Variants in FSIP2 observed in about 807,000 individuals in gnomAD.
The protein encoded by FSIP2 is fibrous sheath-interacting protein 2.
Under a neutral mutation model 510.5 loss-of-function variants are expected in FSIP2, and 367 were observed. The ratio of observed to expected loss-of-function variants is 0.72; its 90% CI spans 0.66 to 0.78. FSIP2 has a LOEUF of 0.78. FSIP2 is among the 30% of genes least tolerant of loss of function. The pLI is 0.00. For synonymous variants in FSIP2, 2,601 were observed against 2,732.2 expected (o/e 0.95, Z 1.50); for missense variants, 7,594 against 7,901.7 (o/e 0.96, Z 1.48).
chr2:185,750,486 A>C (rs1692121479), intron 7 of FSIP2, among the ~76,000 whole-genome samples: 1 of 151,186 alleles, frequency 6.6e-6, no homozygotes, highest in African/African-American at 2.4e-5. Flanking sequence ...TGATATGGTA[A>C]TTTGTAACTT....
Position 185,818,143 on chromosome 2 carries a change from A to G in FSIP2, c.20426+2672A>G, listed in dbSNP as rs138590157. 4.8e-3 allele frequency among the ~76,000 whole-genome samples: 735 copies of G among 152,054 alleles called. 4 individuals are homozygous for G. Among genetic ancestry groups the G allele is most frequent in the African/African-American group, 0.016 (685 of 41,554 alleles). ...CAAGTATTATGTGCTCATAAAAATT[A>G]AAAATTAATTCTGGAGCTGAAAAAT... On this transcript the variant is annotated intron_variant, in intron 19 of 22. Transcript: ENST00000424728.
chr2:185,818,635 T>C (rs1693864980), intron 19 of FSIP2, among the ~76,000 whole-genome samples: 1 of 151,784 alleles, frequency 6.6e-6, no homozygotes. Context: ...ATTAGTAACC[T>C]TACAAGCCAA....
chr2:185,818,918 A>G (rs1362858321), intron 19 of FSIP2, among the ~76,000 whole-genome samples: 4 of 151,986 alleles, frequency 2.6e-5, no homozygotes, highest in Non-Finnish European at 5.9e-5. Context: ...AAATACATTA[A>G]CAAATATAAA....
intron 14 of FSIP2, among the ~76,000 whole-genome samples, chr2:185,785,563 A>AT (rs1348816647): frequency 7.4e-6 from 1 of 135,784 alleles, no homozygotes; most frequent in Admixed American, 7.8e-5. Context: ...TCAGTTTTAG[A>AT]TTTTAATATT....
In FSIP2 at chr2:185,806,811, G is replaced by C; in HGVS notation, c.17505G>C (p.Leu5835=). ...YDTAMKLINS[L]LKEFSDAQIK... ...CTGCTATGAAACTCATCAATTCACTGTTAAAGGAGTTCTCAGATGCTCAAA... is the reference window on the plus strand; with the variant it reads ...CTGCTATGAAACTCATCAATTCACTCTTAAAGGAGTTCTCAGATGCTCAAA... The change falls in exon 17 of 23, where the codon CTG becomes CTC. Residue 5835 remains leucine (L), a synonymous_variant. Coordinates refer to ENST00000424728, the MANE Select transcript of FSIP2 (RefSeq NM_173651.4). 1 of 1,611,354 alleles carries C rather than the reference G, an allele frequency of 6.2e-7. No individual in the cohort carries two copies. Among genetic ancestry groups the C allele is most frequent in the East Asian group, 2.2e-5 (1 of 44,776 alleles).
Position 185,804,330 on chromosome 2 carries a change from T to C in FSIP2, c.15024T>C (p.Asp5008=), listed in dbSNP as rs1317378710. The change falls in exon 17 of 23, where the codon GAT becomes GAC. Residue 5008 remains aspartate (D), a synonymous_variant. Coordinates refer to ENST00000424728, the MANE Select transcript of FSIP2 (RefSeq NM_173651.4). ...TSEILVADNF[D]KNLCFSERYK... is the part of the protein sequence containing the mutation. ...AGATTTTAGTTGCAGATAACTTTGA[T>C]AAAAATTTGTGTTTCTCAGAAAGAT... The C allele has an allele frequency of 1.3e-5, 20 of 1,505,902 alleles. No homozygotes were observed. The highest frequency in any genetic ancestry group is 1.7e-5 in the Non-Finnish European group (19 of 1,135,512). The allele number at this position is 1,505,902 out of a possible 1,614,324, so 93.3% of individuals were successfully genotyped here. A position where few individuals can be genotyped will look rare whatever the true frequency, so the allele number is the denominator to read the frequency against.
At position 185,806,291 on chromosome 2, in the gene FSIP2, C is replaced by T; in HGVS notation, c.16985C>T (p.Thr5662Ile). Residue 5662 changes from threonine (T) to isoleucine (I), a missense_variant, in exon 17 of 23, where the codon ACA becomes ATA. Thr to Ile is a moderately conservative substitution (Grantham distance 89). Coordinates refer to ENST00000424728, the MANE Select transcript of FSIP2 (RefSeq NM_173651.4). ...SSNEGRRDSP[T>I]QTCRDEEHHS... ...AATGAGGGGAGAAGAGACTCTCCAA[C>T]ACAAACGTGTAGGGATGAGGAACAC... 6.2e-7 allele frequency: 1 copy of T among 1,608,392 alleles called. No individual in the cohort carries two copies. Among genetic ancestry groups the T allele is most frequent in the East Asian group, 2.2e-5 (1 of 44,634 alleles).
At position 185,804,086 on chromosome 2, in the gene FSIP2, A is replaced by G. The variant is rs1693504524; in HGVS notation, c.14780A>G (p.Tyr4927Cys). 2 of 1,527,956 alleles carry G rather than the reference A, an allele frequency of 1.3e-6. No individual in the cohort carries two copies. Among genetic ancestry groups the G allele is most frequent in the South Asian group, 1.2e-5 (1 of 82,694 alleles). The allele number at this position is 1,527,956 out of a possible 1,614,324, so 94.6% of individuals were successfully genotyped here. Residue 4927 changes from tyrosine to cysteine, a missense_variant, in exon 17 of 23, where the codon TAT becomes TGT. Tyr to Cys is a radical substitution (Grantham distance 194). Transcript: ENST00000424728. The stretch of plus-strand genomic sequence containing the variant: ...CTTTTGGCAGCAGTTGATCAAACTT[A>G]TAAATTGAAAGCAATAGATCCTAAA... ...TLLLAAVDQT[Y>C]KLKAIDPKQR...
chr2:185,740,839 C>G (rs1402060695), intron 2 of FSIP2, among the ~76,000 whole-genome samples: 1 of 152,004 alleles, frequency 6.6e-6, no homozygotes, highest in Non-Finnish European at 1.5e-5. Flanking sequence ...TCCCCCAAGG[C>G]CCCAGCTCCT....
intron 13 of FSIP2, among the ~76,000 whole-genome samples, chr2:185,781,381 T>C (rs1046605265): frequency 3.9e-5 from 6 of 152,218 alleles, no homozygotes; most frequent in African/African-American, 1.4e-4. Flanking sequence ...TAAGCTATTA[T>C]GTTCAGCAGG....
intron 7 of FSIP2, among the ~76,000 whole-genome samples, chr2:185,753,497 C>A (rs1053158359): frequency 6.6e-6 from 1 of 151,504 alleles, no homozygotes; most frequent in African/African-American, 2.4e-5. Context: ...TGAATTAGTT[C>A]TCTGATGGTA....
chr2:185,804,650 A>T lies in FSIP2; in HGVS notation c.15344A>T (p.His5115Leu), dbSNP rs572292173. 6.5e-7 allele frequency: 1 copy of T among 1,533,066 alleles called. No individual in the cohort carries two copies. Among genetic ancestry groups the T allele is most frequent in the South Asian group, 1.2e-5 (1 of 83,918 alleles). 95.0% of individuals were successfully genotyped at this position (1,533,066 alleles called of 1,614,324 possible). A position where few individuals can be genotyped will look rare whatever the true frequency, so the allele number is the denominator to read the frequency against. Residue 5115 changes from histidine to leucine, a missense_variant, in exon 17 of 23, where the codon CAT becomes CTT. Transcript: ENST00000424728. Reference protein sequence around the residue: ...ALPPYITVLPHSLLEDMVYRL... With the variant: ...ALPPYITVLPLSLLEDMVYRL... Reference sequence around the variant, plus strand: ...CCACCATATATTACTGTGTTGCCTCATTCTCTTTTAGAAGATATGGTTTAC... The same window carrying T: ...CCACCATATATTACTGTGTTGCCTCTTTCTCTTTTAGAAGATATGGTTTAC...
chr2:185,800,477 G>A lies in FSIP2; in HGVS notation c.11171G>A (p.Arg3724Lys). 1.3e-6 allele frequency: 2 copies of A among 1,533,150 alleles called. No individual in the cohort carries two copies. Among genetic ancestry groups the A allele is most frequent in the East Asian group, 2.5e-5 (1 of 40,812 alleles). The allele number at this position is 1,533,150 out of a possible 1,614,324, so 95.0% of individuals were successfully genotyped here. The stretch of plus-strand genomic sequence containing the variant: ...GGTATGGATTCTGGTAAAATACAAA[G>A]AACATATTTCTACTCCTCGAATAAT... ...DTGMDSGKIQRTYFYSSNNEQ... is the reference protein window; with the variant it reads ...DTGMDSGKIQKTYFYSSNNEQ... The change falls in exon 17 of 23, where the codon AGA becomes AAA. Residue 3724 changes from arginine (R) to lysine (K), a missense_variant. By Grantham distance (26) the Arg-to-Lys change is conservative (BLOSUM62 2). Transcript: ENST00000424728.
chr2:185,748,292 T>G (rs1220226886), intron 7 of FSIP2, among the ~76,000 whole-genome samples: 1 of 151,776 alleles, frequency 6.6e-6, no homozygotes, highest in Non-Finnish European at 1.5e-5. Flanking sequence ...TTTTTCTTTC[T>G]TCTTTATTTT....
At chr2:185,742,475 T>C (rs1691942581) in intron 2 of FSIP2, among the ~76,000 whole-genome samples, 1 of 152,168 alleles carries the variant, frequency 6.6e-6, no homozygotes, top group Non-Finnish European at 1.5e-5. Context: ...AAAACTTCAA[T>C]TTCTATAAAT....
chr2:185,808,181 C>T lies in FSIP2; in HGVS notation c.18875C>T (p.Ala6292Val). Residue 6292 changes from alanine to valine, a missense_variant, in exon 17 of 23, where the codon GCA becomes GTA. By Grantham distance (64) the Ala-to-Val change is moderately conservative. Coordinates refer to ENST00000424728, the MANE Select transcript of FSIP2 (RefSeq NM_173651.4). ...SDTIGFLMVN[A>V]ISNSEFQPQV... ...ACAATAGGCTTTTTAATGGTGAATG[C>T]AATTTCGAATTCTGAATTTCAACCT... 2 of 1,611,622 alleles carry T rather than the reference C, an allele frequency of 1.2e-6. No individual in the cohort carries two copies. Among genetic ancestry groups the T allele is most frequent in the Non-Finnish European group, 1.7e-6 (2 of 1,178,934 alleles).
intron 13 of FSIP2, among the ~76,000 whole-genome samples, chr2:185,770,587 C>A (rs1256331682): frequency 1.3e-5 from 2 of 152,100 alleles, no homozygotes; most frequent in African/African-American, 2.4e-5. Context: ...ATTCCCATGA[C>A]CAAAGCACCT....
At chr2:185,779,927 G>T (rs925227094) in intron 13 of FSIP2, among the ~76,000 whole-genome samples, 7 of 143,952 alleles carry the variant, frequency 4.9e-5, no homozygotes, top group African/African-American at 7.6e-5. Context: ...TCAGGGGACA[G>T]TTTTTTTTTT....
chr2:185,789,948 C>G lies in FSIP2; in HGVS notation c.2812C>G (p.Leu938Val), dbSNP rs1693081146. Residue 938 changes from leucine (L) to valine (V), a missense_variant, in exon 16 of 23, where the codon CTT (leucine) becomes GTT (valine). Leu to Val is a conservative substitution (Grantham distance 32). Coordinates refer to ENST00000424728, the MANE Select transcript of FSIP2 (RefSeq NM_173651.4). The part of the protein sequence containing the change: ...SEETVVLLQL[L>V]EDILFQLHQE... ...AGAAACCGTAGTACTCCTTCAGCTACTTGAGGACATCCTTTTTCAGCTCCA... is the reference window on the plus strand; with the variant it reads ...AGAAACCGTAGTACTCCTTCAGCTAGTTGAGGACATCCTTTTTCAGCTCCA... The G allele has an allele frequency of 6.5e-7, 1 of 1,534,212 alleles. No homozygotes were observed. Among genetic ancestry groups the G allele is most frequent in the Non-Finnish European group, 8.7e-7 (1 of 1,145,716 alleles).
Sources: gnomAD v4.1 joint callset for allele counts (sites outside exome capture counted in the v4.1 genomes callset) on GRCh38, gnomAD v4.1.1 for gene constraint, MANE v1.5 for transcripts, NCBI Gene and HGNC (gene_info 2026-07-23, HGNC 2026-07-21) for gene names.